ARHGAP10: variants seen among roughly 807,000 people sequenced by gnomAD.
The protein encoded by ARHGAP10 is rho GTPase-activating protein 10.
ARHGAP10 carries 87 observed loss-of-function variants against 108.6 expected under a neutral mutation model. That is an observed-to-expected ratio of 0.80 (90% CI 0.67 to 0.96). The LOEUF (loss-of-function observed/expected upper bound fraction) is 0.96, where lower values mean the gene tolerates loss of function less well. Ranked by LOEUF, ARHGAP10 falls within the 40% of genes least tolerant of loss-of-function variation. The pLI is 0.00. For missense variants in ARHGAP10, 939 were observed against 954.5 expected (o/e 0.98, Z 0.21); for synonymous variants, 347 against 341.1 (o/e 1.02, Z -0.19).
chr4:147,753,818 T>A, intron 1 of ARHGAP10, among the ~76,000 whole-genome samples: 1 of 152,028 alleles, frequency 6.6e-6, no homozygotes, highest in African/African-American at 2.4e-5. Flanking sequence ...GGGATGAGAG[T>A]GAGAGAGTAT....
intron 18 of ARHGAP10, among the ~76,000 whole-genome samples, chr4:147,974,406 T>C (rs999709198): frequency 1.3e-5 from 2 of 152,208 alleles, no homozygotes; most frequent in Non-Finnish European, 1.5e-5. Context: ...TTGAAGATTC[T>C]GAAGAGCCTG....
At chr4:147,930,280 C>T (rs1737626678) in intron 13 of ARHGAP10, among the ~76,000 whole-genome samples, 1 of 152,154 alleles carries the variant, frequency 6.6e-6, no homozygotes, top group Non-Finnish European at 1.5e-5. Flanking sequence ...ACTTTGAGCC[C>T]TTCTCCTTTG....
intron 22 of ARHGAP10, among the ~76,000 whole-genome samples, chr4:148,066,915 C>T (rs1729905754): frequency 6.6e-6 from 1 of 152,170 alleles, no homozygotes; most frequent in Non-Finnish European, 1.5e-5. Flanking sequence ...TTGTAGTGTG[C>T]CATAGACGAG....
intron 13 of ARHGAP10, chr4:147,916,469 A>G (rs1736987351): frequency 6.6e-6 from 1 of 152,230 alleles, no homozygotes; most frequent in African/African-American, 2.4e-5. Context: ...ACCAACCGGA[A>G]AAAGTTTTTA....
intron 1 of ARHGAP10, among the ~76,000 whole-genome samples, chr4:147,780,491 G>A (rs1371069824): frequency 6.6e-6 from 1 of 152,172 alleles, no homozygotes; most frequent in Non-Finnish European, 1.5e-5. Context: ...GTGATGAAAT[G>A]CTGTGCTCAG....
At chr4:147,982,546 C>CTTTTTTTTTTTT (rs753773443) in intron 18 of ARHGAP10, among the ~76,000 whole-genome samples, 20 of 66,278 alleles carry the variant, frequency 3.0e-4, no homozygotes, top group African/African-American at 5.0e-4. Context: ...CCAGCTAAAT[C>CTTTTTTTTTTTT]TTTTTTTTTT....
chr4:148,041,852 AAAC>A (rs1463780142), intron 19 of ARHGAP10, among the ~76,000 whole-genome samples: 13 of 152,388 alleles, frequency 8.5e-5, no homozygotes, highest in East Asian at 7.7e-4. Context: ...TAAAACAACA[AAAC>A]AACAACAATA....
In ARHGAP10 at chr4:148,072,153, C is replaced by T; in HGVS notation, c.*72C>T. On this transcript the variant is annotated 3_prime_UTR_variant, in exon 23 of 23. Coordinates refer to ENST00000336498, the MANE Select transcript of ARHGAP10 (RefSeq NM_024605.4). ...CTGGGGGCAGAGAGCTGTCTTCCTC[C>T]TCCGAGGCTCTGGGCTGCACCCACA... 1.4e-6 allele frequency: 2 copies of T among 1,403,558 alleles called. No individual in the cohort carries two copies. Among genetic ancestry groups the T allele is most frequent in the Non-Finnish European group, 2.0e-6 (2 of 1,017,744 alleles). The allele number at this position is 1,403,558 out of a possible 1,614,324, so 86.9% of individuals were successfully genotyped here.
At chr4:147,887,075 T>A (rs1232253083) in intron 10 of ARHGAP10, among the ~76,000 whole-genome samples, 1 of 152,166 alleles carries the variant, frequency 6.6e-6, no homozygotes, top group African/African-American at 2.4e-5. Context: ...GTTTCCTTAG[T>A]TGCTGTATAC....
intron 13 of ARHGAP10, among the ~76,000 whole-genome samples, chr4:147,928,791 T>G (rs1224096670): frequency 6.6e-6 from 1 of 152,258 alleles, no homozygotes; most frequent in Non-Finnish European, 1.5e-5. Flanking sequence ...GTATCGTGCC[T>G]GGCTATTTTG....
chr4:147,826,176 A>G (rs1177242730), intron 3 of ARHGAP10, among the ~76,000 whole-genome samples: 1 of 152,192 alleles, frequency 6.6e-6, no homozygotes, highest in Non-Finnish European at 1.5e-5. Flanking sequence ...GCGTGTGACC[A>G]TTGTTAGGCT....
At chr4:147,841,268 C>T (rs1733405303) in intron 3 of ARHGAP10, among the ~76,000 whole-genome samples, 7 of 152,216 alleles carry the variant, frequency 4.6e-5, no homozygotes, top group Admixed American at 4.6e-4. Flanking sequence ...GCTCACTAGC[C>T]AAGGCATTTT....
intron 1 of ARHGAP10, among the ~76,000 whole-genome samples, chr4:147,796,563 G>A (rs1201454897): frequency 1.3e-5 from 2 of 151,332 alleles, no homozygotes. Context: ...TCACTCTGTC[G>A]CCCATGGCTG....
chr4:148,042,260 A>G (rs1728665414), intron 19 of ARHGAP10, among the ~76,000 whole-genome samples: 1 of 152,152 alleles, frequency 6.6e-6, no homozygotes, highest in Non-Finnish European at 1.5e-5. Context: ...CTGAGTTCTA[A>G]TGACTGTCAT....
chr4:148,046,873 A>G lies in ARHGAP10; in HGVS notation c.1868-19A>G, dbSNP rs1194068275. The G allele has an allele frequency of 8.7e-6, 14 of 1,603,984 alleles. 1 individual carries two copies. In the Middle Eastern group the frequency reaches 8.3e-4, roughly 95 times the overall value. The stretch of plus-strand genomic sequence containing the variant: ...TCTCCAGGTATTTGTTTGATATTCA[A>G]TGCTTTTTTTCCTCCTAGGTGACAA... On this transcript the variant is annotated intron_variant, in intron 19 of 22. Coordinates refer to ENST00000336498, the MANE Select transcript of ARHGAP10 (RefSeq NM_024605.4).
intron 13 of ARHGAP10, among the ~76,000 whole-genome samples, chr4:147,929,354 A>G (rs889727961): frequency 6.6e-6 from 1 of 152,186 alleles, no homozygotes; most frequent in Non-Finnish European, 1.5e-5. Context: ...AATAGAGAGA[A>G]TCATTCTTCT....
At chr4:147,947,815 A>T (rs1449203463) in intron 15 of ARHGAP10, among the ~76,000 whole-genome samples, 2 of 152,214 alleles carry the variant, frequency 1.3e-5, no homozygotes, top group Non-Finnish European at 2.9e-5. Flanking sequence ...ATTTTTAAAA[A>T]ATTATGAAAA....
At chr4:147,768,193 A>G (rs1281876411) in intron 1 of ARHGAP10, among the ~76,000 whole-genome samples, 2 of 152,106 alleles carry the variant, frequency 1.3e-5, no homozygotes, top group South Asian at 2.1e-4. Context: ...TCTCAGTGCA[A>G]TTATACTGTG....
intron 20 of ARHGAP10, among the ~76,000 whole-genome samples, chr4:148,051,925 T>C (rs1729155900): frequency 1.3e-5 from 2 of 152,290 alleles, no homozygotes; most frequent in South Asian, 4.1e-4. Flanking sequence ...GGCAAATGAA[T>C]GGGGGGTTTC....
Sources: gnomAD v4.1 joint callset for allele counts (sites outside exome capture counted in the v4.1 genomes callset) on GRCh38, gnomAD v4.1.1 for gene constraint, MANE v1.5 for transcripts, NCBI Gene and HGNC (gene_info 2026-07-23, HGNC 2026-07-21) for gene names.